Variants in WDR17 observed in about 807,000 individuals in gnomAD.
WDR17 encodes WD repeat domain 17, also known as WD repeat-containing protein 17.
In WDR17, 143 loss-of-function variants were observed where a neutral mutation model predicts 161.7. The ratio of observed to expected loss-of-function variants is 0.88; its 90% CI spans 0.77 to 1.02. The LOEUF (loss-of-function observed/expected upper bound fraction) is 1.02. WDR17 is among the 50% of genes least tolerant of loss of function. The probability of loss-of-function intolerance (pLI) is 0.00; values close to 1 mark genes in which losing one functional copy is unlikely to be tolerated. For missense variants in WDR17, 1,469 were observed against 1,520.9 expected, an observed-to-expected ratio of 0.97 and a Z score of 0.57; for synonymous variants, 517 against 515.6, an observed-to-expected ratio of 1.00 and a Z score of -0.04.
intron 1 of WDR17, among the ~76,000 whole-genome samples, chr4:176,110,283 A>G (rs577695759): frequency 1.3e-5 from 2 of 152,224 alleles, no homozygotes; most frequent in East Asian, 3.9e-4. Flanking sequence ...CTGGGACCAC[A>G]GGTGCCCGTC....
intron 26 of WDR17, among the ~76,000 whole-genome samples, chr4:176,175,769 C>T (rs901228493): frequency 2.6e-5 from 4 of 152,088 alleles, no homozygotes; most frequent in Admixed American, 6.6e-5. Flanking sequence ...CCATGTTAGC[C>T]AGGATGGTCT....
In WDR17 at chr4:176,150,597, A is replaced by G. The variant is rs1221212886; in HGVS notation, c.2304+4A>G. The G allele has an allele frequency of 6.3e-7, 1 of 1,588,032 alleles. No homozygotes were observed. Among genetic ancestry groups the G allele is most frequent in the Non-Finnish European group, 8.5e-7 (1 of 1,171,506 alleles). On this transcript the variant is annotated splice_donor_region_variant and intron_variant, in intron 16 of 28. Coordinates refer to ENST00000508596, the MANE Select transcript of WDR17 (RefSeq NM_181265.4). ...ACATCTGATTAAATTTAGAACAGTG[A>G]GTAAAATATGCAAATATGATGTACT...
chr4:176,083,547 T>G (rs1374246670), intron 1 of WDR17, among the ~76,000 whole-genome samples: 1 of 152,168 alleles, frequency 6.6e-6, no homozygotes, highest in East Asian at 1.9e-4. Context: ...TTCTCATTAT[T>G]ATGAACTTTT....
chr4:176,137,454 C>T, intron 8 of WDR17, 66 bp from the exon 9 acceptor site: 2 of 1,340,218 alleles, frequency 1.5e-6, no homozygotes, highest in Non-Finnish European at 2.1e-6. Context: ...TCACAAGTTA[C>T]ATTTTTTAAA....
At chr4:176,132,857 C>T (rs13327956) in intron 7 of WDR17, among the ~76,000 whole-genome samples, 38,352 of 151,410 alleles carry the variant, frequency 0.25, 5,014 homozygotes, top group African/African-American at 0.3. Context: ...TAAAAAAAAA[C>T]TAGTAAGAAC....
At chr4:176,134,647 C>T (rs373670985) in intron 7 of WDR17, among the ~76,000 whole-genome samples, 5 of 151,426 alleles carry the variant, frequency 3.3e-5, no homozygotes, top group Non-Finnish European at 7.4e-5. Context: ...TTTTGGAGTA[C>T]GTTATTAGTA....
intron 1 of WDR17, among the ~76,000 whole-genome samples, chr4:176,095,441 A>G (rs1282743468): frequency 1.3e-5 from 2 of 152,156 alleles, no homozygotes; most frequent in Non-Finnish European, 2.9e-5. Context: ...ATACTTCTAA[A>G]GAGTAAGGAA....
At chr4:176,169,895 T>G (rs1750456275) in intron 23 of WDR17, among the ~76,000 whole-genome samples, 1 of 152,244 alleles carries the variant, frequency 6.6e-6, no homozygotes, top group Non-Finnish European at 1.5e-5. Flanking sequence ...GAATTATTTT[T>G]TTTAAAAGCT....
chr4:176,146,182 T>G, intron 12 of WDR17, 23 bp downstream of exon 12: 1 of 1,604,702 alleles, frequency 6.2e-7, no homozygotes, highest in Non-Finnish European at 8.5e-7. Context: ...GGATTCTAAT[T>G]TTCTAGTCCT....
At chr4:176,102,413 G>A (rs1185314042) in intron 1 of WDR17, among the ~76,000 whole-genome samples, 1 of 152,196 alleles carries the variant, frequency 6.6e-6, no homozygotes, top group East Asian at 1.9e-4. Context: ...AAATGACACA[G>A]ATCTTATGGA....
intron 11 of WDR17, among the ~76,000 whole-genome samples, chr4:176,143,158 CG>C (rs1000144028): frequency 1.3e-5 from 2 of 152,194 alleles, no homozygotes; most frequent in African/African-American, 4.8e-5. Context: ...GGATTACAGG[CG>C]TGAGCCACCA....
chr4:176,126,901 T>C (rs1742537793), intron 5 of WDR17, among the ~76,000 whole-genome samples: 1 of 152,184 alleles, frequency 6.6e-6, no homozygotes, highest in African/African-American at 2.4e-5. Flanking sequence ...CACTGCCCTG[T>C]GAAGAAGGTG....
intron 7 of WDR17, among the ~76,000 whole-genome samples, chr4:176,133,831 A>G (rs1003664360): frequency 6.6e-6 from 1 of 151,612 alleles, no homozygotes; most frequent in African/African-American, 2.4e-5. Flanking sequence ...CCATATGAAT[A>G]TTTGCTCCAT....
intron 1 of WDR17, among the ~76,000 whole-genome samples, chr4:176,107,905 T>G (rs771662766): frequency 4.8e-5 from 7 of 146,088 alleles, no homozygotes; most frequent in Admixed American, 1.4e-4. Flanking sequence ...CCTTCCCTCC[T>G]TCCTTCCTTT....
chr4:176,120,755 T>C (rs1466553722), intron 4 of WDR17, among the ~76,000 whole-genome samples: 1 of 151,686 alleles, frequency 6.6e-6, no homozygotes, highest in Non-Finnish European at 1.5e-5. Flanking sequence ...TCTCTGTTGA[T>C]GTATGTGACT....
chr4:176,069,839 C>T (rs1189778825), intron 1 of WDR17, among the ~76,000 whole-genome samples: 1 of 152,092 alleles, frequency 6.6e-6, no homozygotes, highest in Admixed American at 6.5e-5. Context: ...ACAATACAAA[C>T]AGCTCCACAT....
chr4:176,177,499 C>T lies in WDR17; in HGVS notation c.3577C>T (p.Pro1193Ser), dbSNP rs777811833. 6.3e-7 allele frequency: 1 copy of T among 1,578,428 alleles called. No homozygotes were observed. Among genetic ancestry groups the T allele is most frequent in the African/African-American group, 1.4e-5 (1 of 72,546 alleles). Residue 1193 changes from proline to serine, a missense_variant, in exon 28 of 29, where the codon CCT (proline) becomes TCT (serine). Transcript: ENST00000508596. Reference sequence around the variant, plus strand: ...ATTAGAAGACTCTCCGTATACACCCCCTTCTGATTCACAAAGAATGATTTA... The same window carrying T: ...ATTAGAAGACTCTCCGTATACACCCTCTTCTGATTCACAAAGAATGATTTA... The part of the protein sequence containing the change: ...RSLEDSPYTP[P>S]SDSQRMIYAT...
chr4:176,179,792 T>C lies in WDR17; in HGVS notation c.*213T>C. 2 of 227,782 alleles carry C rather than the reference T, an allele frequency of 8.8e-6. No homozygotes were observed. Among genetic ancestry groups the C allele is most frequent in the Non-Finnish European group, 1.6e-5 (2 of 121,848 alleles). The allele number at this position is 227,782 out of a possible 1,614,324, so 14.1% of individuals were successfully genotyped here. A position where few individuals can be genotyped will look rare whatever the true frequency, so the allele number is the denominator to read the frequency against. On this transcript the variant is annotated 3_prime_UTR_variant, in exon 29 of 29. Transcript: ENST00000508596. ...AAATAGGTGCCTCCTTTATAAACAG[T>C]AATAGCTACGTTTGGGAAGGAGGAA...
chr4:176,132,824 A>G lies in WDR17; in HGVS notation c.1098+1086A>G, dbSNP rs1743681391. Among the ~76,000 whole-genome samples the G allele has an allele frequency of 3.3e-5, 5 of 151,954 alleles. No individual in the cohort carries two copies. The South Asian group carries it at 1.0e-3, about 31-fold the overall frequency. On this transcript the variant is annotated intron_variant, in intron 7 of 28. Coordinates refer to ENST00000508596, the MANE Select transcript of WDR17 (RefSeq NM_181265.4). ...AATTTATGAAAGGGAAGGGAGAAAA[A>G]CATAAGAATACACTTAAATCTATAA...
Sources: gnomAD v4.1 joint callset for allele counts (sites outside exome capture counted in the v4.1 genomes callset) on GRCh38, gnomAD v4.1.1 for gene constraint, MANE v1.5 for transcripts, NCBI Gene and HGNC (gene_info 2026-07-23, HGNC 2026-07-21) for gene names.